ADGRB3: variants seen among roughly 807,000 people sequenced by gnomAD.
The protein encoded by ADGRB3 is adhesion G protein-coupled receptor B3, also known as brain-specific angiogenesis inhibitor 3.
Under a neutral mutation model 193.4 loss-of-function variants are expected in ADGRB3, and 37 were observed. The observed-to-expected ratio is 0.19, with a 90% CI of 0.15 to 0.25. The LOEUF is 0.25. Ranked by LOEUF, ADGRB3 falls within the 10% of genes least tolerant of loss-of-function variation. The pLI is 1.00. For synonymous variants in ADGRB3, 690 were observed against 644.2 expected (o/e 1.07, Z -1.08); for missense variants, 1,637 against 1,852.9 (o/e 0.88, Z 2.14).
intron 16 of ADGRB3, among the ~76,000 whole-genome samples, chr6:69,071,951 GA>G (rs1253489939): frequency 3.9e-5 from 6 of 151,958 alleles, no homozygotes. Flanking sequence ...GTCCCTTTGA[GA>G]AAAGTAACTG....
At chr6:68,723,040 T>C (rs1350279217) in intron 3 of ADGRB3, among the ~76,000 whole-genome samples, 1 of 151,800 alleles carries the variant, frequency 6.6e-6, no homozygotes, top group East Asian at 1.9e-4. Flanking sequence ...GACATGGCTA[T>C]ATTCATATCA....
rs1769449038 is a variant in ADGRB3, at chr6:69,361,417, A to G, written c.4144A>G (p.Thr1382Ala). The change falls in exon 29 of 32, where the codon ACA becomes GCA. Residue 1382 changes from threonine (T) to alanine (A), a missense_variant. By Grantham distance (58) the Thr-to-Ala change is moderately conservative. Around this residue, in one of 7 missense-constraint regions of ADGRB3, gnomAD observed 368 missense variants for 367.4 expected, o/e 1.00. Transcript: ENST00000370598. ...HMQNLPFEPRTAVKNFMASEL... is the reference protein window; with the variant it reads ...HMQNLPFEPRAAVKNFMASEL... Reference sequence around the variant, plus strand: ...GCAGAATTTGCCCTTTGAACCTCGCACAGCTGTGAAGAATTTCATGGCCTC... The same window carrying G: ...GCAGAATTTGCCCTTTGAACCTCGCGCAGCTGTGAAGAATTTCATGGCCTC... The G allele has an allele frequency of 6.2e-7, 1 of 1,612,844 alleles. No individual in the cohort carries two copies. The highest frequency in any genetic ancestry group is 8.5e-7 in the Non-Finnish European group (1 of 1,179,232).
chr6:68,637,476 A>T lies in ADGRB3; in HGVS notation c.-102A>T, dbSNP rs1457399098. On this transcript the variant is annotated 5_prime_UTR_variant, in exon 2 of 32. Coordinates refer to ENST00000370598, the MANE Select transcript of ADGRB3 (RefSeq NM_001704.3). ...GCTCAAAGGCTAAACAAACAAACAA[A>T]AGCAGTGTCATTTATTCTAAGAAAT... is the stretch of plus-strand genomic sequence containing the variant. The T allele has an allele frequency of 1.3e-5, 2 of 152,686 alleles. No individual in the cohort carries two copies. Among genetic ancestry groups the T allele is most frequent in the African/African-American group, 4.8e-5 (2 of 41,460 alleles). 9.5% of individuals were successfully genotyped at this position (152,686 alleles called of 1,614,324 possible). A position where few individuals can be genotyped will look rare whatever the true frequency, so the allele number is the denominator to read the frequency against.
chr6:69,187,473 C>T lies in ADGRB3; in HGVS notation c.2481-45817C>T, dbSNP rs182711144. Among the ~76,000 whole-genome samples, 260 of 152,230 alleles carry T rather than the reference C, an allele frequency of 1.7e-3. 1 individual carries two copies. The highest frequency in any genetic ancestry group is 7.7e-3 in the South Asian group (37 of 4,816). On this transcript the variant is annotated intron_variant, in intron 17 of 31. Transcript: ENST00000370598. Reference sequence around the variant, plus strand: ...CAATAATCTGTATTACAGGTCTCTGCTAAATGATGTTTTCATCTTCAAAGT... The same window carrying T: ...CAATAATCTGTATTACAGGTCTCTGTTAAATGATGTTTTCATCTTCAAAGT...
intron 17 of ADGRB3, among the ~76,000 whole-genome samples, chr6:69,213,500 A>C (rs1765710399): frequency 6.6e-6 from 1 of 152,190 alleles, no homozygotes; most frequent in South Asian, 2.1e-4. Flanking sequence ...GGAAATTCTC[A>C]TGGAGAACAT....
chr6:69,052,453 C>T (rs1335439641), intron 15 of ADGRB3, among the ~76,000 whole-genome samples: 1 of 152,150 alleles, frequency 6.6e-6, no homozygotes, highest in Non-Finnish European at 1.5e-5. Context: ...TACTAATTAT[C>T]TGTTGAAATA....
chr6:69,013,637 T>C (rs970941159), intron 11 of ADGRB3, among the ~76,000 whole-genome samples: 7 of 152,096 alleles, frequency 4.6e-5, no homozygotes, highest in Non-Finnish European at 1.0e-4. Flanking sequence ...GAAACAACAT[T>C]GCAATAACAA....
At chr6:68,887,478 T>TAA (rs1291826726) in intron 3 of ADGRB3, among the ~76,000 whole-genome samples, 1 of 152,134 alleles carries the variant, frequency 6.6e-6, no homozygotes, top group Non-Finnish European at 1.5e-5. Flanking sequence ...ACTAATTTCT[T>TAA]AAGTACTATT....
At chr6:68,732,807 C>T (rs1157665142) in intron 3 of ADGRB3, among the ~76,000 whole-genome samples, 1 of 151,888 alleles carries the variant, frequency 6.6e-6, no homozygotes, top group African/African-American at 2.4e-5. Flanking sequence ...CACTCGGGTA[C>T]TTTTAATGTA....
intron 17 of ADGRB3, among the ~76,000 whole-genome samples, chr6:69,206,877 ACTTT>A (rs1178469200): frequency 2.0e-5 from 3 of 151,820 alleles, no homozygotes; most frequent in Admixed American, 6.6e-5. Flanking sequence ...AGTGACCCAA[ACTTT>A]CTTTCTTGAA....
In ADGRB3 at chr6:69,274,739, A is replaced by G. The variant is rs186099357; in HGVS notation, c.2814+35513A>G. 8.5e-5 allele frequency among the ~76,000 whole-genome samples: 13 copies of G among 152,054 alleles called. No individual in the cohort carries two copies. In the East Asian group the frequency reaches 2.5e-3, roughly 29 times the overall value. Reference sequence around the variant, plus strand: ...AGTGGGAAAAATGAGGCTGCACTGAAAGACTGGCTCTGAAAGAAGCAATCA... The same window carrying G: ...AGTGGGAAAAATGAGGCTGCACTGAGAGACTGGCTCTGAAAGAAGCAATCA... On this transcript the variant is annotated intron_variant, in intron 20 of 31. Coordinates refer to ENST00000370598, the MANE Select transcript of ADGRB3 (RefSeq NM_001704.3).
At chr6:68,818,175 CA>C (rs1255978812) in intron 3 of ADGRB3, among the ~76,000 whole-genome samples, 1 of 152,012 alleles carries the variant, frequency 6.6e-6, no homozygotes, top group Non-Finnish European at 1.5e-5. Context: ...AAACCACATG[CA>C]TGGTTCTATG....
chr6:68,717,553 T>TA (rs1404508004), intron 3 of ADGRB3, among the ~76,000 whole-genome samples: 1 of 151,552 alleles, frequency 6.6e-6, no homozygotes, highest in African/African-American at 2.4e-5. Context: ...TGATTCTACT[T>TA]ATAAGGCAGT....
At chr6:69,162,922 C>T (rs1289765583) in intron 17 of ADGRB3, among the ~76,000 whole-genome samples, 1 of 152,046 alleles carries the variant, frequency 6.6e-6, no homozygotes, top group Non-Finnish European at 1.5e-5. Flanking sequence ...TCACCATTCC[C>T]ACACAGACCG....
At chr6:68,955,504 T>C (rs1370873552) in intron 6 of ADGRB3, among the ~76,000 whole-genome samples, 1 of 152,176 alleles carries the variant, frequency 6.6e-6, no homozygotes. Context: ...AAAGATATAC[T>C]GGAGGCCAGG....
intron 3 of ADGRB3, among the ~76,000 whole-genome samples, chr6:68,783,307 T>TATATATAA (rs1554193293): frequency 1.0e-4 from 15 of 146,428 alleles, no homozygotes; most frequent in Admixed American, 8.9e-4. Flanking sequence ...TATATATATA[T>TATATATAA]AACATACATA....
intron 6 of ADGRB3, among the ~76,000 whole-genome samples, chr6:68,946,614 A>G (rs1447546770): frequency 6.6e-6 from 1 of 152,116 alleles, no homozygotes; most frequent in Non-Finnish European, 1.5e-5. Context: ...GCAGTGAAGA[A>G]TGTAGATCAG....
intron 5 of ADGRB3, among the ~76,000 whole-genome samples, chr6:68,942,665 C>G (rs1474330029): frequency 6.6e-6 from 1 of 151,900 alleles, no homozygotes; most frequent in African/African-American, 2.4e-5. Context: ...GGCTGGAGTG[C>G]AGTGGCATGA....
At chr6:68,643,076 A>G (rs1298903147) in intron 3 of ADGRB3, among the ~76,000 whole-genome samples, 10 of 152,228 alleles carry the variant, frequency 6.6e-5, no homozygotes, top group African/African-American at 2.2e-4. Flanking sequence ...AAATCACATA[A>G]TAAGCCTTAA....
Sources: gnomAD v4.1 joint callset for allele counts (sites outside exome capture counted in the v4.1 genomes callset) on GRCh38, gnomAD v4.1.1 for gene constraint, gnomAD v4.1.1 regional missense constraint, MANE v1.5 for transcripts, NCBI Gene and HGNC (gene_info 2026-07-23, HGNC 2026-07-21) for gene names.